The following HERC2 variants were observed in gnomAD, a reference collection of about 807,000 sequenced individuals.
HERC2 encodes HECT and RLD domain containing E3 ubiquitin protein ligase 2.
Under a neutral mutation model 537.7 loss-of-function variants are expected in HERC2, and 102 were observed. That is an observed-to-expected ratio of 0.19 (90% CI 0.16 to 0.22). The LOEUF (loss-of-function observed/expected upper bound fraction) is 0.22. HERC2 is among the 10% of genes least tolerant of loss of function. The pLI is 1.00. For missense variants in HERC2, 4,236 were observed against 6,198.2 expected (o/e 0.68, Z 10.63); for synonymous variants, 2,224 against 2,466.2 (o/e 0.90, Z 2.91).
Position 28,321,383 on chromosome 15 carries a change from T to C in HERC2, c.51A>G (p.Lys17=), listed in dbSNP as rs755440820. The C allele has an allele frequency of 3.1e-5, 27 of 883,272 alleles. 1 individual carries two copies. In the South Asian group the frequency reaches 3.2e-4, roughly 11 times the overall value. 54.7% of individuals were successfully genotyped at this position (883,272 alleles called of 1,614,324 possible). The change falls in exon 2 of 93, where the codon AAA becomes AAG. Residue 17 remains lysine (K), a synonymous_variant. Coordinates refer to ENST00000261609, the MANE Select transcript of HERC2 (RefSeq NM_004667.6). The part of the protein sequence containing the change: ...CLAAQARLDS[K]WLKTDIQLAF... Reference sequence around the variant, plus strand: ...CCACCTGTATATCTGTTTTCAACCATTTGGAGTCGAGGCGAGCCTGGGCAG... The same window carrying C: ...CCACCTGTATATCTGTTTTCAACCACTTGGAGTCGAGGCGAGCCTGGGCAG...
intron 44 of HERC2, among the ~76,000 whole-genome samples, chr15:28,206,616 A>G (rs150246661): frequency 0.1 from 15,762 of 151,226 alleles, 2,785 homozygotes; most frequent in African/African-American, 0.37. Context: ...GGTGGATCAC[A>G]AGGTCAGGAT....
chr15:28,226,138 G>A (rs1901136494), intron 35 of HERC2, among the ~76,000 whole-genome samples: 1 of 152,144 alleles, frequency 6.6e-6, no homozygotes, highest in African/African-American at 2.4e-5. Flanking sequence ...AATTAAAGAG[G>A]ACAGAAATAA....
intron 43 of HERC2, among the ~76,000 whole-genome samples, chr15:28,211,983 C>G (rs569924371): frequency 6.6e-6 from 1 of 152,316 alleles, no homozygotes; most frequent in African/African-American, 2.4e-5. Context: ...CATTCTACAA[C>G]CGAAGGAAGG....
chr15:28,111,558 C>T lies in HERC2; in HGVS notation c.*205G>A. 2 of 592,712 alleles carry T rather than the reference C, an allele frequency of 3.4e-6. No individual in the cohort carries two copies. The highest frequency in any genetic ancestry group is 3.0e-6 in the Non-Finnish European group (1 of 335,340). The allele number at this position is 592,712 out of a possible 1,614,324, so 36.7% of individuals were successfully genotyped here. On this transcript the variant is annotated 3_prime_UTR_variant, in exon 93 of 93. Transcript: ENST00000261609. ...TACGGGTGAGAAGACCCTTGGAAGT[C>T]GAGCGTCCACAGTGTTCCACGCGCA... is the stretch of plus-strand genomic sequence containing the variant.
chr15:28,161,100 A>G (rs1405375780), intron 69 of HERC2, among the ~76,000 whole-genome samples: 1 of 152,184 alleles, frequency 6.6e-6, no homozygotes, highest in Non-Finnish European at 1.5e-5. Context: ...AGCCCCTAAA[A>G]TATCTACCAA....
intron 21 of HERC2, among the ~76,000 whole-genome samples, chr15:28,248,124 C>T (rs1903905126): frequency 6.6e-6 from 1 of 152,162 alleles, no homozygotes; most frequent in African/African-American, 2.4e-5. Context: ...AATGTCTAAA[C>T]TATTAAGCCG....
chr15:28,317,998 A>G (rs2077134370), intron 2 of HERC2, among the ~76,000 whole-genome samples: 1 of 152,206 alleles, frequency 6.6e-6, no homozygotes, highest in African/African-American at 2.4e-5. Context: ...TAGGAAATTC[A>G]TCTGAGTGCA....
At chr15:28,146,953 C>T (rs1232327185) in intron 70 of HERC2, among the ~76,000 whole-genome samples, 37 of 131,416 alleles carry the variant, frequency 2.8e-4, no homozygotes, top group Non-Finnish European at 4.4e-4. Flanking sequence ...TCCTCTCTTA[C>T]GGTTACAGGG....
Position 28,192,120 on chromosome 15 carries a change from T to C in HERC2, c.8292A>G (p.Gly2764=), listed in dbSNP as rs1364809527. The C allele has an allele frequency of 6.2e-7, 1 of 1,613,734 alleles. No individual in the cohort carries two copies. Among genetic ancestry groups the C allele is most frequent in the Non-Finnish European group, 8.5e-7 (1 of 1,179,940 alleles). The part of the protein sequence containing the change: ...GQSAVFCGRS[G]KQLKRCHSSQ... Reference sequence around the variant, plus strand: ...TGCTGTGGCAACGCTTCAGCTGTTTTCCAGAACGGCCACAAAATACCGCAG... The same window carrying C: ...TGCTGTGGCAACGCTTCAGCTGTTTCCCAGAACGGCCACAAAATACCGCAG... Residue 2764 remains glycine (G), a synonymous_variant, in exon 53 of 93, where the codon GGA becomes GGG. Transcript: ENST00000261609.
intron 3 of HERC2, among the ~76,000 whole-genome samples, chr15:28,295,898 C>A (rs1222698979): frequency 6.6e-6 from 1 of 152,048 alleles, no homozygotes; most frequent in Non-Finnish European, 1.5e-5. Flanking sequence ...TGACAGAGAC[C>A]ATAGGGTCCA....
In HERC2 at chr15:28,268,307, T is replaced by A. The variant is rs1203680258; in HGVS notation, c.1598+158A>T. Among the ~76,000 whole-genome samples the A allele has an allele frequency of 1.3e-5, 2 of 152,084 alleles. No homozygotes were observed. The highest frequency in any genetic ancestry group is 6.5e-5 in the Admixed American group (1 of 15,278). On this transcript the variant is annotated intron_variant, in intron 12 of 92. Transcript: ENST00000261609. The surrounding 1 kb of genome is among the most constrained non-coding windows in gnomAD (Gnocchi z 4.7). Reference sequence around the variant, plus strand: ...ACACATGGGCAGAGCTCCTAAGCCATCACCAAGGAGGAGGCATATCGTAGT... The same window carrying A: ...ACACATGGGCAGAGCTCCTAAGCCAACACCAAGGAGGAGGCATATCGTAGT...
chr15:28,170,991 T>A (rs993521375), intron 65 of HERC2, among the ~76,000 whole-genome samples: 15 of 152,142 alleles, frequency 9.9e-5, no homozygotes, highest in Non-Finnish European at 1.3e-4. Context: ...GGTGAGGATA[T>A]GGGAAAAACT....
At position 28,265,309 on chromosome 15, in the gene HERC2, C is replaced by T. The variant is rs2075532400; in HGVS notation, c.1870+309G>A. On this transcript the variant is annotated intron_variant, in intron 14 of 92. Transcript: ENST00000261609. This position sits in a 1 kb window ranked among gnomAD's most constrained non-coding sequence, Gnocchi z 4.0. ...ATTACCACAGGGAATCAAGAGTGGC[C>T]GAACGTTAAGAAATGTAATAATACT... is the stretch of plus-strand genomic sequence containing the variant. Among the ~76,000 whole-genome samples, 2 of 152,102 alleles carry T rather than the reference C, an allele frequency of 1.3e-5. No individual in the cohort carries two copies. Among genetic ancestry groups the T allele is most frequent in the Admixed American group, 6.5e-5 (1 of 15,270 alleles).
At position 28,113,008 on chromosome 15, in the gene HERC2, G is replaced by C. The variant is rs1193579938; in HGVS notation, c.14232+63C>G. The stretch of plus-strand genomic sequence containing the variant: ...CATGTGCTGCAGGACTGTGGGTGAG[G>C]AGCCAGCCACCCACCGTCGGCCGAC... On this transcript the variant is annotated intron_variant, in intron 92 of 92. Transcript: ENST00000261609. This position sits in a 1 kb window ranked among gnomAD's most constrained non-coding sequence, Gnocchi z 7.0. 1 of 1,351,080 alleles carries C rather than the reference G, an allele frequency of 7.4e-7. No individual in the cohort carries two copies. The highest frequency in any genetic ancestry group is 2.4e-5 in the East Asian group (1 of 41,638). The allele number at this position is 1,351,080 out of a possible 1,614,324, so 83.7% of individuals were successfully genotyped here. A position where few individuals can be genotyped will look rare whatever the true frequency, so the allele number is the denominator to read the frequency against.
intron 57 of HERC2, among the ~76,000 whole-genome samples, chr15:28,179,436 C>G (rs1019880076): frequency 1.3e-5 from 2 of 152,264 alleles, no homozygotes; most frequent in South Asian, 4.1e-4. Context: ...GCCGTGACAA[C>G]GTCACAGCAC....
intron 82 of HERC2, 30 bp from the exon 83 acceptor site, chr15:28,130,332 G>A (rs898392752): frequency 6.2e-7 from 1 of 1,613,548 alleles, no homozygotes; most frequent in Non-Finnish European, 8.5e-7. Flanking sequence ...GGAAATTATG[G>A]GGCAAGGTGA....
chr15:28,270,866 A>G lies in HERC2; in HGVS notation c.1086T>C (p.Leu362=). The part of the protein sequence containing the change: ...DAPHSEGDMH[L]LSGPLSPNES... ...CATTGGGGCTCAGAGGGCCAGACAAAAGCTAGAAAGGAAAAGTAAACAAAA... is the reference window on the plus strand; with the variant it reads ...CATTGGGGCTCAGAGGGCCAGACAAGAGCTAGAAAGGAAAAGTAAACAAAA... Residue 362 remains leucine (L), a splice_region_variant and synonymous_variant, in exon 10 of 93, where the codon CTT becomes CTC. Coordinates refer to ENST00000261609, the MANE Select transcript of HERC2 (RefSeq NM_004667.6). The G allele has an allele frequency of 6.2e-7, 1 of 1,613,196 alleles. No homozygotes were observed. The highest frequency in any genetic ancestry group is 8.5e-7 in the Non-Finnish European group (1 of 1,179,660).
intron 52 of HERC2, among the ~76,000 whole-genome samples, chr15:28,194,126 C>T (rs1566994302): frequency 6.7e-6 from 1 of 149,796 alleles, no homozygotes; most frequent in Non-Finnish European, 1.5e-5. Context: ...AGTGCAGTGG[C>T]ACGATCTCGG....
intron 2 of HERC2, among the ~76,000 whole-genome samples, chr15:28,300,163 G>A (rs1199593317): frequency 1.3e-5 from 2 of 151,846 alleles, no homozygotes; most frequent in African/African-American, 2.4e-5. Flanking sequence ...GACTACCTAC[G>A]GGGAAATGGG....
Sources: gnomAD v4.1 joint callset for allele counts (sites outside exome capture counted in the v4.1 genomes callset) on GRCh38, gnomAD v4.1.1 for gene constraint, Gnocchi (gnomAD v3.1) non-coding constraint, MANE v1.5 for transcripts, NCBI Gene and HGNC (gene_info 2026-07-23, HGNC 2026-07-21) for gene names.